ANO4: variants seen among roughly 807,000 people sequenced by gnomAD.
The protein encoded by ANO4 is anoctamin 4, also known as anoctamin-4.
Under a neutral mutation model 141.9 loss-of-function variants are expected in ANO4, and 69 were observed. The ratio of observed to expected loss-of-function variants is 0.49; its 90% CI spans 0.40 to 0.59. The LOEUF (loss-of-function observed/expected upper bound fraction) is 0.59. Ranked by LOEUF, ANO4 falls within the 20% of genes least tolerant of loss-of-function variation. The probability of loss-of-function intolerance (pLI) is 0.00; values close to 1 mark genes in which losing one functional copy is unlikely to be tolerated. For missense variants in ANO4, 894 were observed against 1,162.2 expected, an observed-to-expected ratio of 0.77 and a Z score of 3.36; for synonymous variants, 350 against 394.3, an observed-to-expected ratio of 0.89 and a Z score of 1.33.
intron 3 of ANO4, among the ~76,000 whole-genome samples, chr12:100,777,790 A>G (rs1479702286): frequency 1.3e-5 from 2 of 152,120 alleles, no homozygotes; most frequent in Admixed American, 6.5e-5. Flanking sequence ...TTTTCTATTC[A>G]ACAATTGTGA....
intron 22 of ANO4, among the ~76,000 whole-genome samples, chr12:101,108,070 G>A (rs76776054): frequency 0.018 from 2,729 of 152,194 alleles, 54 homozygotes; most frequent in Middle Eastern, 0.048. Context: ...ATTGGTTTGG[G>A]GAGTGCTGTT....
chr12:100,992,041 C>G (rs891323530), intron 8 of ANO4, among the ~76,000 whole-genome samples: 2 of 152,182 alleles, frequency 1.3e-5, no homozygotes, highest in African/African-American at 4.8e-5. Context: ...AGTTATACAT[C>G]TCCACGGATT....
intron 3 of ANO4, among the ~76,000 whole-genome samples, chr12:100,937,297 A>G (rs2042325313): frequency 6.6e-6 from 1 of 152,212 alleles, no homozygotes; most frequent in African/African-American, 2.4e-5. Context: ...TAATAAGGTA[A>G]ACATCCAATA....
chr12:100,898,334 C>G (rs2040438204), intron 1 of ANO4, among the ~76,000 whole-genome samples: 2 of 152,128 alleles, frequency 1.3e-5, no homozygotes, highest in Admixed American at 6.5e-5. Context: ...TATTTTCTAT[C>G]TTGCATACTA....
chr12:100,927,084 C>T (rs774956099), intron 3 of ANO4, among the ~76,000 whole-genome samples: 12 of 152,052 alleles, frequency 7.9e-5, no homozygotes, highest in Non-Finnish European at 1.2e-4. Flanking sequence ...ATTGAGTGAA[C>T]GTGTGGAATC....
chr12:101,075,307 C>A (rs117638897), intron 14 of ANO4, among the ~76,000 whole-genome samples: 1,652 of 152,228 alleles, frequency 0.011, 12 homozygotes, highest in Middle Eastern at 0.02. Flanking sequence ...GGCTTATGAG[C>A]TTTGCATCGT....
intron 8 of ANO4, among the ~76,000 whole-genome samples, chr12:101,000,732 C>G (rs2045600737): frequency 6.6e-6 from 1 of 152,164 alleles, no homozygotes; most frequent in Admixed American, 6.5e-5. Flanking sequence ...GATCATACAG[C>G]TCCTTTTAAG....
chr12:100,891,338 A>G (rs2040094950), intron 1 of ANO4, among the ~76,000 whole-genome samples: 1 of 152,226 alleles, frequency 6.6e-6, no homozygotes. Context: ...GTAAATACCA[A>G]GGTGCATGAT....
chr12:100,970,297 C>G (rs1375261491), intron 5 of ANO4, among the ~76,000 whole-genome samples: 1 of 152,200 alleles, frequency 6.6e-6, no homozygotes, highest in East Asian at 1.9e-4. Flanking sequence ...TCCCAGTGTT[C>G]CTAGAATAAA....
intron 7 of ANO4, among the ~76,000 whole-genome samples, chr12:100,977,173 T>C (rs1463917449): frequency 6.6e-6 from 1 of 152,172 alleles, no homozygotes; most frequent in African/African-American, 2.4e-5. Flanking sequence ...CATGTAATAA[T>C]TAATAATTAC....
intron 1 of ANO4, among the ~76,000 whole-genome samples, chr12:100,877,535 G>GTGAGCC (rs1029540030): frequency 6.6e-6 from 1 of 151,594 alleles, no homozygotes; most frequent in African/African-American, 2.4e-5. Context: ...GGAATATGAG[G>GTGAGCC]TGAGGTCAGC....
At chr12:100,844,732 G>A (rs2037467405) in intron 1 of ANO4, among the ~76,000 whole-genome samples, 1 of 151,326 alleles carries the variant, frequency 6.6e-6, no homozygotes, top group Non-Finnish European at 1.5e-5. Context: ...TTAAAGTCAG[G>A]GCTTTAAAAG....
chr12:100,881,858 T>C (rs1263325432), intron 1 of ANO4, among the ~76,000 whole-genome samples: 1 of 152,214 alleles, frequency 6.6e-6, no homozygotes, highest in Non-Finnish European at 1.5e-5. Context: ...TTGCTTCTCT[T>C]GTGATACAGG....
intron 1 of ANO4, among the ~76,000 whole-genome samples, chr12:100,825,099 T>C (rs1252950265): frequency 6.6e-6 from 1 of 152,110 alleles, no homozygotes; most frequent in Non-Finnish European, 1.5e-5. Context: ...ATAACTTCAC[T>C]GGTATCAATT....
intron 24 of ANO4, among the ~76,000 whole-genome samples, chr12:101,113,618 G>A (rs1007919437): frequency 6.6e-6 from 1 of 151,916 alleles, no homozygotes; most frequent in African/African-American, 2.4e-5. Flanking sequence ...CTGCCTCACT[G>A]GCCACTCTAT....
chr12:100,928,614 C>T (rs534887175), intron 3 of ANO4, among the ~76,000 whole-genome samples: 4 of 152,224 alleles, frequency 2.6e-5, no homozygotes, highest in African/African-American at 9.6e-5. Flanking sequence ...GACTTGGAGG[C>T]TCTTTTATGC....
chr12:101,047,132 G>A (rs1045031751), intron 13 of ANO4, among the ~76,000 whole-genome samples: 2 of 152,046 alleles, frequency 1.3e-5, no homozygotes, highest in South Asian at 4.1e-4. Context: ...GCCTGTAATC[G>A]CAGCTACTTG....
At chr12:100,987,060 C>T (rs1349150607) in intron 7 of ANO4, 2 of 155,610 alleles carry the variant, frequency 1.3e-5, no homozygotes, top group Non-Finnish European at 2.9e-5. Flanking sequence ...CAAATCATGG[C>T]ATGGAGCTCT....
chr12:100,921,883 T>C (rs2041648211), intron 2 of ANO4, among the ~76,000 whole-genome samples: 1 of 152,126 alleles, frequency 6.6e-6, no homozygotes, highest in Admixed American at 6.6e-5. Context: ...ATTTAATCCA[T>C]GTGGAAGCTG....
Sources: gnomAD v4.1 joint callset for allele counts (sites outside exome capture counted in the v4.1 genomes callset) on GRCh38, gnomAD v4.1.1 for gene constraint, MANE v1.5 for transcripts, NCBI Gene and HGNC (gene_info 2026-07-23, HGNC 2026-07-21) for gene names.